CDH20: variants seen among roughly 807,000 people sequenced by gnomAD.
The protein encoded by CDH20 is cadherin 20, also known as cadherin-20.
A neutral mutation model predicts 74.2 loss-of-function variants in CDH20; 29 were observed. The ratio of observed to expected loss-of-function variants is 0.39; its 90% CI spans 0.29 to 0.53. CDH20 has a LOEUF of 0.53. Among genes scored for constraint, CDH20 ranks in the 20% least tolerant of loss-of-function variants. CDH20 has a pLI of 0.69. For missense variants in CDH20, 988 were observed against 1,048.3 expected, an observed-to-expected ratio of 0.94 and a Z score of 0.79; for synonymous variants, 469 against 405.4, an observed-to-expected ratio of 1.16 and a Z score of -1.88.
chr18:61,436,316 G>A (rs955076240), intron 1 of CDH20, among the ~76,000 whole-genome samples: 7 of 152,004 alleles, frequency 4.6e-5, no homozygotes, highest in African/African-American at 1.7e-4. Flanking sequence ...AACTGTATGT[G>A]TAACCTTCTG....
chr18:61,503,245 A>C (rs1021101141), intron 5 of CDH20, 125 bp downstream of exon 5: 1 of 649,654 alleles, frequency 1.5e-6, no homozygotes, highest in Non-Finnish European at 2.5e-6. Context: ...TTCCTTTCTT[A>C]CATTCATCAT....
intron 1 of CDH20, among the ~76,000 whole-genome samples, chr18:61,476,641 C>G (rs1910400245): frequency 6.6e-6 from 1 of 152,092 alleles, no homozygotes; most frequent in Non-Finnish European, 1.5e-5. Context: ...CAACTGTGGC[C>G]CTTAATTCAG....
At chr18:61,421,088 A>C (rs538887225) in intron 1 of CDH20, among the ~76,000 whole-genome samples, 19 of 152,306 alleles carry the variant, frequency 1.2e-4, no homozygotes, top group South Asian at 6.2e-4. Context: ...TTTGCCAGCT[A>C]TAAAGAACAA....
chr18:61,539,764 G>A (rs185025228), intron 9 of CDH20, among the ~76,000 whole-genome samples: 1 of 152,138 alleles, frequency 6.6e-6, no homozygotes, highest in East Asian at 1.9e-4. Flanking sequence ...CTTATTTAGG[G>A]ACTCCCTGGC....
intron 1 of CDH20, among the ~76,000 whole-genome samples, chr18:61,468,660 T>C (rs1383757765): frequency 6.6e-6 from 1 of 152,120 alleles, no homozygotes; most frequent in Non-Finnish European, 1.5e-5. Context: ...CATCCATACC[T>C]CATATATCGT....
At chr18:61,480,663 T>C (rs549285681) in intron 1 of CDH20, among the ~76,000 whole-genome samples, 1 of 152,346 alleles carries the variant, frequency 6.6e-6, no homozygotes, top group Non-Finnish European at 1.5e-5. Context: ...AATTCTCAGA[T>C]TGACTTCCCT....
intron 1 of CDH20, among the ~76,000 whole-genome samples, chr18:61,467,045 GGC>G (rs941232010): frequency 3.3e-5 from 5 of 152,228 alleles, no homozygotes; most frequent in Admixed American, 2.6e-4. Flanking sequence ...TTACAAACAA[GGC>G]TGCAGGGGCC....
rs548268160 is a variant in CDH20, at chr18:61,387,960, T to C, written c.-153+54133T>C. The stretch of plus-strand genomic sequence containing the variant: ...CATTGAGTGAATGTTACTTTTATAG[T>C]GGGGAAAAAAAAAAACCCTTACAAT... On this transcript the variant is annotated intron_variant, in intron 1 of 11. Transcript: ENST00000262717. Among the ~76,000 whole-genome samples, 5 of 147,896 alleles carry C rather than the reference T, an allele frequency of 3.4e-5. No homozygotes were observed. In the East Asian group the frequency reaches 5.8e-4, roughly 17 times the overall value.
intron 1 of CDH20, among the ~76,000 whole-genome samples, chr18:61,392,005 T>C (rs1242327211): frequency 2.6e-5 from 4 of 152,058 alleles, no homozygotes; most frequent in Admixed American, 2.0e-4. Flanking sequence ...ACTGCAGCTG[T>C]GGGGAAAGTC....
At chr18:61,526,120 A>AC (rs1220523185) in intron 6 of CDH20, among the ~76,000 whole-genome samples, 18 of 106,694 alleles carry the variant, frequency 1.7e-4, no homozygotes, top group Non-Finnish European at 3.3e-4. Flanking sequence ...CAAAAAGTTG[A>AC]CTTTTTTTTT....
chr18:61,415,868 C>A (rs1333128686), intron 1 of CDH20, among the ~76,000 whole-genome samples: 1 of 152,014 alleles, frequency 6.6e-6, no homozygotes, highest in African/African-American at 2.4e-5. Context: ...ATACTTTGGG[C>A]AATGTAATTA....
chr18:61,475,575 G>A (rs75109343), intron 1 of CDH20, among the ~76,000 whole-genome samples: 1,695 of 152,148 alleles, frequency 0.011, 26 homozygotes, highest in East Asian at 0.067. Context: ...TTTTACCATC[G>A]CTTTTACTTG....
In CDH20 at chr18:61,360,825, A is replaced by G. The variant is rs146187851; in HGVS notation, c.-153+26998A>G. On this transcript the variant is annotated intron_variant, in intron 1 of 11. Coordinates refer to ENST00000262717, the MANE Select transcript of CDH20 (RefSeq NM_031891.4). ...CTGGCCGCAGACAAAGAAGTGGGGA[A>G]CAGCATTTGCTAAAGTGGCCATCAA... Among the ~76,000 whole-genome samples, 910 of 152,354 alleles carry G rather than the reference A, an allele frequency of 6.0e-3. 7 individuals carry two copies. Among genetic ancestry groups the G allele is most frequent in the Admixed American group, 7.1e-3 (108 of 15,312 alleles).
intron 1 of CDH20, among the ~76,000 whole-genome samples, chr18:61,349,901 A>G (rs574267226): frequency 6.6e-6 from 1 of 152,360 alleles, no homozygotes; most frequent in Non-Finnish European, 1.5e-5. Flanking sequence ...ATGACTAAAA[A>G]ATCAAGGCAA....
chr18:61,554,353 G>A lies in CDH20; in HGVS notation c.2064G>A (p.Glu688=), dbSNP rs144368506. The stretch of plus-strand genomic sequence containing the variant: ...TCGCGGCCATGTGGAACCCCCGGGA[G>A]GCGCAGGCGGGGGCCGCCCCCAAGA... The part of the protein sequence containing the change: ...FDIAAMWNPR[E]AQAGAAPKTR... The change falls in exon 12 of 12, where the codon GAG becomes GAA. Residue 688 remains glutamate (E), a synonymous_variant. Transcript: ENST00000262717. 6.8e-6 allele frequency: 11 copies of A among 1,613,264 alleles called. No individual in the cohort carries two copies. Among genetic ancestry groups the A allele is most frequent in the South Asian group, 1.1e-5 (1 of 91,050 alleles).
chr18:61,345,233 A>G (rs1437277637), intron 1 of CDH20, among the ~76,000 whole-genome samples: 1 of 152,168 alleles, frequency 6.6e-6, no homozygotes, highest in African/African-American at 2.4e-5. Flanking sequence ...ACGTTTATGG[A>G]AGTCCCTAAG....
chr18:61,497,144 C>T (rs188717854), intron 2 of CDH20, among the ~76,000 whole-genome samples: 9 of 147,280 alleles, frequency 6.1e-5, no homozygotes, highest in Admixed American at 3.4e-4. Context: ...ATACTGTATA[C>T]GAAATGAGGA....
At chr18:61,478,475 G>T (rs1438614513) in intron 1 of CDH20, among the ~76,000 whole-genome samples, 1 of 151,892 alleles carries the variant, frequency 6.6e-6, no homozygotes, top group East Asian at 1.9e-4. Flanking sequence ...AGGGATAAAG[G>T]TTCTCTGGGA....
At chr18:61,355,526 T>C (rs951081903) in intron 1 of CDH20, among the ~76,000 whole-genome samples, 15 of 152,210 alleles carry the variant, frequency 9.9e-5, no homozygotes, top group African/African-American at 3.6e-4. Flanking sequence ...ATCACTTTAT[T>C]TGTGAAAGTG....
Sources: allele counts gnomAD v4.1 joint callset (sites outside exome capture counted in the v4.1 genomes callset), GRCh38; gene constraint gnomAD v4.1.1; transcripts MANE v1.5; gene names NCBI Gene and HGNC (gene_info 2026-07-23, HGNC 2026-07-21).